ZNF644: variants seen among roughly 807,000 people sequenced by gnomAD.
The protein encoded by ZNF644 is zinc finger motif enhancer binding protein 2.
A neutral mutation model predicts 108.0 loss-of-function variants in ZNF644; 20 were observed. The observed-to-expected ratio is 0.19, with a 90% CI of 0.13 to 0.27. The LOEUF is 0.27. Ranked by LOEUF, ZNF644 falls within the 10% of genes least tolerant of loss-of-function variation. ZNF644 has a pLI of 1.00. For synonymous variants in ZNF644, 542 were observed against 539.1 expected (o/e 1.01, Z -0.08); for missense variants, 1,338 against 1,548.9 (o/e 0.86, Z 2.29).
intron 4 of ZNF644, among the ~76,000 whole-genome samples, chr1:90,929,098 A>G (rs546798386): frequency 8.5e-5 from 13 of 152,336 alleles, no homozygotes; most frequent in African/African-American, 3.1e-4. Context: ...GAAGCATACC[A>G]GCATGAACTA....
intron 1 of ZNF644, among the ~76,000 whole-genome samples, chr1:91,001,272 T>C (rs1463874490): frequency 1.3e-5 from 2 of 152,150 alleles, no homozygotes; most frequent in Non-Finnish European, 2.9e-5. Context: ...TGAACATCGA[T>C]GCAAAAATCC....
chr1:90,923,383 TC>T, intron 4 of ZNF644, among the ~76,000 whole-genome samples: 1 of 151,884 alleles, frequency 6.6e-6, no homozygotes, highest in South Asian at 2.1e-4. Context: ...AATTGTTAAA[TC>T]CCCACTCTAC....
intron 1 of ZNF644, among the ~76,000 whole-genome samples, chr1:91,019,485 ACTAT>A (rs543852826): frequency 9.3e-4 from 141 of 152,302 alleles, no homozygotes; most frequent in Non-Finnish European, 1.8e-3. Flanking sequence ...TTGCTCTGAA[ACTAT>A]CTGATATTTC....
rs949381854 is a variant in ZNF644 at position 90,915,512 on chromosome 1, G to C, written c.*1286C>G. On this transcript the variant is annotated 3_prime_UTR_variant, in exon 6 of 6. Transcript: ENST00000337393. The stretch of plus-strand genomic sequence containing the variant: ...TAGCCATACTACATGAAATAAAATG[G>C]TGCTTGCATACAAAAACTTGTTGTT... 6.6e-6 allele frequency: 1 copy of C among 152,438 alleles called. No individual in the cohort carries two copies. The highest frequency in any genetic ancestry group is 2.4e-5 in the African/African-American group (1 of 41,388). The allele number at this position is 152,438 out of a possible 1,614,324, so 9.4% of individuals were successfully genotyped here. A position where few individuals can be genotyped will look rare whatever the true frequency, so the allele number is the denominator to read the frequency against.
At chr1:90,933,985 A>C (rs1197765819) in intron 4 of ZNF644, among the ~76,000 whole-genome samples, 1 of 152,234 alleles carries the variant, frequency 6.6e-6, no homozygotes, top group East Asian at 1.9e-4. Flanking sequence ...ATTGCATAGC[A>C]TAGTGCCTGA....
At chr1:91,018,646 A>C (rs180803209) in intron 1 of ZNF644, among the ~76,000 whole-genome samples, 40 of 152,330 alleles carry the variant, frequency 2.6e-4, no homozygotes, top group Admixed American at 1.9e-3. Context: ...CTGACTGAAA[A>C]GCCTTCCCAA....
chr1:90,959,957 C>T (rs527207), intron 2 of ZNF644, among the ~76,000 whole-genome samples: 2 of 152,146 alleles, frequency 1.3e-5, no homozygotes, highest in Non-Finnish European at 2.9e-5. Context: ...TTGATGACAT[C>T]TTGCACCATC....
chr1:91,000,145 C>G (rs1273187204), intron 1 of ZNF644, among the ~76,000 whole-genome samples: 2 of 152,122 alleles, frequency 1.3e-5, no homozygotes, highest in Non-Finnish European at 2.9e-5. Context: ...AGAAAGTTAA[C>G]AAGGATATCC....
chr1:90,966,231 T>C (rs1056197117), intron 2 of ZNF644, among the ~76,000 whole-genome samples: 1 of 152,204 alleles, frequency 6.6e-6, no homozygotes, highest in Non-Finnish European at 1.5e-5. Flanking sequence ...ATAAAGTTAC[T>C]AGAAGAGCAC....
intron 2 of ZNF644, chr1:90,973,353 A>G (rs896294916): frequency 2.0e-5 from 3 of 152,148 alleles, no homozygotes; most frequent in African/African-American, 4.8e-5. Context: ...AATATTTACT[A>G]AATTATTTTA....
rs565804975 is a variant in ZNF644 at position 90,959,504 on chromosome 1, C to G, written c.45-18195G>C. On this transcript the variant is annotated intron_variant, in intron 2 of 5. Coordinates refer to ENST00000337393, the MANE Select transcript of ZNF644 (RefSeq NM_201269.3). ...AAATAGTAAAAATAACTCAAATATTCATTAAGGAATAATATGTAAATTGCG... is the reference window on the plus strand; with the variant it reads ...AAATAGTAAAAATAACTCAAATATTGATTAAGGAATAATATGTAAATTGCG... Among the ~76,000 whole-genome samples the G allele has an allele frequency of 5.3e-5, 8 of 152,190 alleles. No homozygotes were observed. In the East Asian group the frequency reaches 1.5e-3, roughly 29 times the overall value.
intron 1 of ZNF644, among the ~76,000 whole-genome samples, chr1:90,987,879 T>C (rs1427554518): frequency 6.6e-6 from 1 of 151,882 alleles, no homozygotes; most frequent in Non-Finnish European, 1.5e-5. Context: ...ATTAAACATA[T>C]GAAAACAAAA....
In ZNF644 at chr1:90,966,531, C is replaced by A. The variant is rs150310044; in HGVS notation, c.44+15779G>T. On this transcript the variant is annotated intron_variant, in intron 2 of 5. Coordinates refer to ENST00000337393, the MANE Select transcript of ZNF644 (RefSeq NM_201269.3). ...TTGGGAGGCTAAGGCAGGCAGATCA[C>A]CTGATGTCAGGAGTTCGAGACCAGC... 7.8e-4 allele frequency among the ~76,000 whole-genome samples: 118 copies of A among 152,072 alleles called. 2 individuals are homozygous for A. The East Asian group carries it at 0.022, about 28-fold the overall frequency.
intron 2 of ZNF644, among the ~76,000 whole-genome samples, chr1:90,981,119 T>G (rs569974897): frequency 1.1e-3 from 170 of 152,228 alleles, no homozygotes; most frequent in Admixed American, 4.0e-3. Context: ...AAACAAACCC[T>G]AATAAGACCT....
In ZNF644 at chr1:90,938,540, A is replaced by C; in HGVS notation, c.2814T>G (p.His938Gln). Residue 938 changes from histidine to glutamine, a missense_variant, in exon 3 of 6, where the codon CAT becomes CAG. By Grantham distance (24) the His-to-Gln change is conservative. This residue lies in a region of ZNF644 where 462 missense variants were observed against 472.6 expected (regional missense o/e 0.98). Coordinates refer to ENST00000337393, the MANE Select transcript of ZNF644 (RefSeq NM_201269.3). This position sits in a 1 kb window ranked among gnomAD's most constrained non-coding sequence, Gnocchi z 4.2. ...ACAATGAAGCATCTGCAGTTTCTAA[A>C]TGCTGAGGATCATGTATCTCATGCA... ...NFLHEIHDPQ[H>Q]LETADASLSK... 2 of 1,614,008 alleles carry C rather than the reference A, an allele frequency of 1.2e-6. No homozygotes were observed. The highest frequency in any genetic ancestry group is 1.7e-6 in the Non-Finnish European group (2 of 1,179,906).
At chr1:90,923,184 C>T (rs1452999511) in intron 4 of ZNF644, among the ~76,000 whole-genome samples, 1 of 152,134 alleles carries the variant, frequency 6.6e-6, no homozygotes, top group Non-Finnish European at 1.5e-5. Context: ...CAGTTTAATG[C>T]TCTACTGTTG....
intron 1 of ZNF644, among the ~76,000 whole-genome samples, chr1:91,008,937 CCAT>C (rs1659691566): frequency 6.6e-6 from 1 of 152,066 alleles, no homozygotes; most frequent in Non-Finnish European, 1.5e-5. Flanking sequence ...TCAGTACTGA[CCAT>C]CAGAATTAAA....
At chr1:90,917,917 T>C in intron 5 of ZNF644, 135 bp downstream of exon 5, 1 of 748,168 alleles carries the variant, frequency 1.3e-6, no homozygotes, top group Non-Finnish European at 2.4e-6. Context: ...TTTAAGCCTA[T>C]CTCCAAAAGT....
In ZNF644 at chr1:90,918,041, T is replaced by G; in HGVS notation, c.3791+11A>C. 6.2e-7 allele frequency: 1 copy of G among 1,606,802 alleles called. No homozygotes were observed. Among genetic ancestry groups the G allele is most frequent in the Admixed American group, 1.7e-5 (1 of 60,008 alleles). On this transcript the variant is annotated intron_variant, in intron 5 of 5. Transcript: ENST00000337393. ...AAGAAACTGATCAGATTTGGCAATA[T>G]AGGCATATACCTGCATCGGAGAATG... is the stretch of plus-strand genomic sequence containing the variant.
Sources: gnomAD v4.1 joint callset for allele counts (sites outside exome capture counted in the v4.1 genomes callset) on GRCh38, gnomAD v4.1.1 for gene constraint, gnomAD v4.1.1 regional missense constraint, Gnocchi (gnomAD v3.1) non-coding constraint, MANE v1.5 for transcripts, NCBI Gene and HGNC (gene_info 2026-07-23, HGNC 2026-07-21) for gene names.